KCNH7: variants seen among roughly 807,000 people sequenced by gnomAD.
The protein encoded by KCNH7 is voltage-gated inwardly rectifying potassium channel KCNH7.
A neutral mutation model predicts 120.8 loss-of-function variants in KCNH7; 49 were observed. The observed-to-expected ratio is 0.41, with a 90% CI of 0.32 to 0.51. KCNH7 has a LOEUF of 0.51. KCNH7 is among the 20% of genes least tolerant of loss of function. KCNH7 has a pLI of 0.38. For synonymous variants in KCNH7, 547 were observed against 516.1 expected, an observed-to-expected ratio of 1.06 and a Z score of -0.81; for missense variants, 1,097 against 1,446.6, an observed-to-expected ratio of 0.76 and a Z score of 3.92.
chr2:162,429,707 T>C (rs1020894735), intron 8 of KCNH7, among the ~76,000 whole-genome samples: 4 of 151,898 alleles, frequency 2.6e-5, no homozygotes, highest in African/African-American at 9.7e-5. Flanking sequence ...CATTTTTCTA[T>C]AGCAGCATTT....
At position 162,601,361 on chromosome 2, in the gene KCNH7, G is replaced by A. The variant is rs117672452; in HGVS notation, c.308-64281C>T. Among the ~76,000 whole-genome samples, 247 of 93,400 alleles carry A rather than the reference G, an allele frequency of 2.6e-3. No individual in the cohort carries two copies. In the East Asian group the frequency reaches 0.041, roughly 16 times the overall value. The allele number at this position is 93,400 out of a possible 152,430, so 61.3% of individuals were successfully genotyped here. A position where few individuals can be genotyped will look rare whatever the true frequency, so the allele number is the denominator to read the frequency against. ...ATAATCATCTGAATATATTGTATCT[G>A]TTCTGACTTCCCAAATTTTAAAAAA... On this transcript the variant is annotated intron_variant, in intron 2 of 15. Coordinates refer to ENST00000332142, the MANE Select transcript of KCNH7 (RefSeq NM_033272.4).
At chr2:162,763,600 G>A (rs1262113207) in intron 2 of KCNH7, among the ~76,000 whole-genome samples, 2 of 151,966 alleles carry the variant, frequency 1.3e-5, no homozygotes, top group Admixed American at 6.6e-5. Flanking sequence ...CAAATTGCAG[G>A]GAGAGAAATG....
At chr2:162,595,493 G>T (rs542027800) in intron 2 of KCNH7, among the ~76,000 whole-genome samples, 1 of 151,878 alleles carries the variant, frequency 6.6e-6, no homozygotes. Context: ...AATAAATGCA[G>T]AAAAAGCATT....
At position 162,755,557 on chromosome 2, in the gene KCNH7, G is replaced by A. The variant is rs305698; in HGVS notation, c.307+80980C>T. 0.014 allele frequency among the ~76,000 whole-genome samples: 2,119 copies of A among 152,188 alleles called. 75 individuals carry two copies. The East Asian group carries it at 0.16, about 11-fold the overall frequency. ...TTTGTTTACCCACATGTTTCACTCA[G>A]GAGTGTTTAGTTAGAATCCTTGTGT... On this transcript the variant is annotated intron_variant, in intron 2 of 15. Transcript: ENST00000332142.
In KCNH7 at chr2:162,435,189, G is replaced by A. The variant is rs1422765737; in HGVS notation, c.1954+9C>T. The A allele has an allele frequency of 3.1e-6, 5 of 1,605,104 alleles. No homozygotes were observed. The highest frequency in any genetic ancestry group is 2.2e-5 in the East Asian group (1 of 44,786). ...ATCCTAATAGACAACAGAAGAGAAA[G>A]CTACTTACAGCCAATCAACATGACA... is the stretch of plus-strand genomic sequence containing the variant. On this transcript the variant is annotated intron_variant, in intron 8 of 15. Transcript: ENST00000332142.
intron 6 of KCNH7, among the ~76,000 whole-genome samples, chr2:162,472,277 A>G (rs1381408600): frequency 2.0e-5 from 3 of 152,234 alleles, no homozygotes; most frequent in African/African-American, 7.2e-5. Flanking sequence ...ACAGCAAAAG[A>G]AACTACCATG....
chr2:162,404,930 C>G lies in KCNH7; in HGVS notation c.2155-4489G>C, dbSNP rs371390579. Among the ~76,000 whole-genome samples, 5 of 151,942 alleles carry G rather than the reference C, an allele frequency of 3.3e-5. No homozygotes were observed. In the South Asian group the frequency reaches 6.2e-4, roughly 19 times the overall value. Reference sequence around the variant, plus strand: ...TAAAACAAAAAATTACAGGGATAACCTGAATTTCCCACACTCTACTTTCAC... The same window carrying G: ...TAAAACAAAAAATTACAGGGATAACGTGAATTTCCCACACTCTACTTTCAC... On this transcript the variant is annotated intron_variant, in intron 9 of 15. Transcript: ENST00000332142.
At chr2:162,697,262 G>C (rs1482961291) in intron 2 of KCNH7, among the ~76,000 whole-genome samples, 1 of 152,040 alleles carries the variant, frequency 6.6e-6, no homozygotes, top group Non-Finnish European at 1.5e-5. Flanking sequence ...CCACCTTGCA[G>C]GAAACACAGA....
rs78490090 is a variant in KCNH7 at position 162,557,688 on chromosome 2, A to G, written c.308-20608T>C. Among the ~76,000 whole-genome samples, 563 of 152,260 alleles carry G rather than the reference A, an allele frequency of 3.7e-3. 24 individuals carry two copies. The East Asian group carries it at 0.097, about 26-fold the overall frequency. On this transcript the variant is annotated intron_variant, in intron 2 of 15. Coordinates refer to ENST00000332142, the MANE Select transcript of KCNH7 (RefSeq NM_033272.4). Reference sequence around the variant, plus strand: ...TATTATGAATATAATAATCACTATCACTTGGGAAGAGATGACCTGGTCGCC... The same window carrying G: ...TATTATGAATATAATAATCACTATCGCTTGGGAAGAGATGACCTGGTCGCC...
intron 2 of KCNH7, among the ~76,000 whole-genome samples, chr2:162,688,090 C>T (rs1685960782): frequency 6.6e-6 from 1 of 152,098 alleles, no homozygotes; most frequent in Non-Finnish European, 1.5e-5. Flanking sequence ...TATTTTATTG[C>T]ATGAGAGGAA....
At chr2:162,686,372 T>G (rs1460519354) in intron 2 of KCNH7, among the ~76,000 whole-genome samples, 1 of 152,032 alleles carries the variant, frequency 6.6e-6, no homozygotes, top group Non-Finnish European at 1.5e-5. Context: ...CAATCCTGAG[T>G]TTTTGCTAAT....
At chr2:162,562,739 C>A (rs912052574) in intron 2 of KCNH7, among the ~76,000 whole-genome samples, 1 of 152,150 alleles carries the variant, frequency 6.6e-6, no homozygotes, top group Admixed American at 6.5e-5. Context: ...TGGAATCTTG[C>A]AAACCAGCTC....
chr2:162,657,046 T>G (rs1684787912), intron 2 of KCNH7, among the ~76,000 whole-genome samples: 1 of 152,190 alleles, frequency 6.6e-6, no homozygotes, highest in Admixed American at 6.5e-5. Context: ...CAGTTTTAGA[T>G]TCACAACAAA....
At chr2:162,466,989 C>A (rs1689331517) in intron 6 of KCNH7, among the ~76,000 whole-genome samples, 1 of 152,148 alleles carries the variant, frequency 6.6e-6, no homozygotes, top group African/African-American at 2.4e-5. Context: ...ATTGCTATAA[C>A]CAGCATGTCA....
intron 14 of KCNH7, 26 bp downstream of exon 14, chr2:162,379,827 C>T: frequency 6.2e-7 from 1 of 1,610,032 alleles, no homozygotes; most frequent in Non-Finnish European, 8.5e-7. Flanking sequence ...GGGTTATGTT[C>T]TCCTTTTGCC....
chr2:162,711,958 G>T (rs555609556), intron 2 of KCNH7, among the ~76,000 whole-genome samples: 40 of 152,190 alleles, frequency 2.6e-4, no homozygotes, highest in African/African-American at 8.9e-4. Flanking sequence ...GCAGTTTCTT[G>T]GTCTTCTCTT....
At chr2:162,484,185 T>C (rs1690016423) in intron 6 of KCNH7, among the ~76,000 whole-genome samples, 1 of 151,870 alleles carries the variant, frequency 6.6e-6, no homozygotes, top group African/African-American at 2.4e-5. Flanking sequence ...ACCAAATTTA[T>C]TGAGGGTGCC....
chr2:162,472,733 T>G (rs1294044558), intron 6 of KCNH7, among the ~76,000 whole-genome samples: 1 of 152,208 alleles, frequency 6.6e-6, no homozygotes. Flanking sequence ...GCCATCCCAT[T>G]ACTGGGTATA....
chr2:162,612,631 C>A (rs1176257134), intron 2 of KCNH7, among the ~76,000 whole-genome samples: 1 of 151,454 alleles, frequency 6.6e-6, no homozygotes, highest in Non-Finnish European at 1.5e-5. Flanking sequence ...AACTCAAAGT[C>A]CATAATTAAA....
Sources: allele counts gnomAD v4.1 joint callset (sites outside exome capture counted in the v4.1 genomes callset), GRCh38; gene constraint gnomAD v4.1.1; transcripts MANE v1.5; gene names NCBI Gene and HGNC (gene_info 2026-07-23, HGNC 2026-07-21).